IRF2: variants seen among roughly 807,000 people sequenced by gnomAD.
The protein encoded by IRF2 is interferon regulatory factor 2.
In IRF2, 15 loss-of-function variants were observed where a neutral mutation model predicts 40.6. The observed-to-expected ratio is 0.37, with a 90% CI of 0.25 to 0.57. IRF2 has a LOEUF of 0.57. IRF2 is among the 20% of genes least tolerant of loss of function. IRF2 has a pLI of 0.77. For missense variants in IRF2, 317 were observed against 455.7 expected (o/e 0.70, Z 2.77); for synonymous variants, 151 against 165.5 (o/e 0.91, Z 0.67).
At position 184,436,345 on chromosome 4, in the gene IRF2, A is replaced by C. The variant is rs6831233; in HGVS notation, c.-6-7275T>G. Among the ~76,000 whole-genome samples the C allele has an allele frequency of 9.6e-3, 1,458 of 152,292 alleles. 30 individuals are homozygous for C. The highest frequency in any genetic ancestry group is 0.033 in the African/African-American group (1,376 of 41,548). ...AAATTCATTAAACACACATTGTTAC[A>C]AGGAACTGTGCTGAGTGCTGTGGGG... On this transcript the variant is annotated intron_variant, in intron 1 of 8. Coordinates refer to ENST00000393593, the MANE Select transcript of IRF2 (RefSeq NM_002199.4).
chr4:184,420,039 TG>T (rs1017314452), intron 2 of IRF2, among the ~76,000 whole-genome samples: 7 of 152,194 alleles, frequency 4.6e-5, no homozygotes, highest in African/African-American at 1.7e-4. Flanking sequence ...GGCCAAGTTT[TG>T]TATTTTTGGT....
chr4:184,466,684 C>G (rs1739342417), intron 1 of IRF2, among the ~76,000 whole-genome samples: 1 of 152,180 alleles, frequency 6.6e-6, no homozygotes, highest in African/African-American at 2.4e-5. Flanking sequence ...TTCCCCATCC[C>G]CAAACAATGC....
At chr4:184,473,684 G>C (rs1392034977) in intron 1 of IRF2, among the ~76,000 whole-genome samples, 1 of 143,860 alleles carries the variant, frequency 7.0e-6, no homozygotes, top group Admixed American at 6.9e-5. Context: ...CGACGCCCGC[G>C]ACCCGACCCC....
intron 1 of IRF2, among the ~76,000 whole-genome samples, chr4:184,441,135 A>G (rs1403634156): frequency 1.3e-5 from 2 of 152,226 alleles, no homozygotes; most frequent in African/African-American, 4.8e-5. Context: ...ACACTGTCCT[A>G]AAGTCACTGG....
intron 2 of IRF2, among the ~76,000 whole-genome samples, chr4:184,427,151 T>G (rs1737702677): frequency 6.6e-6 from 1 of 152,228 alleles, no homozygotes; most frequent in South Asian, 2.1e-4. Context: ...AGCAACTCCA[T>G]TTCTTGTTTG....
chr4:184,458,633 C>T (rs982772413), intron 1 of IRF2, among the ~76,000 whole-genome samples: 1 of 152,202 alleles, frequency 6.6e-6, no homozygotes, highest in African/African-American at 2.4e-5. Flanking sequence ...TGCTTCACAA[C>T]ACATATATTA....
chr4:184,394,841 C>T (rs1049642125), intron 7 of IRF2, among the ~76,000 whole-genome samples: 28 of 152,158 alleles, frequency 1.8e-4, no homozygotes, highest in African/African-American at 6.0e-4. Context: ...CATGTCTCTC[C>T]GCCAGAGCTT....
intron 8 of IRF2, 97 bp downstream of exon 8, chr4:184,390,606 C>G: frequency 3.5e-6 from 4 of 1,127,846 alleles, no homozygotes; most frequent in Non-Finnish European, 5.3e-6. Context: ...AGCTTGTGAT[C>G]TAAAGGAAAG....
At chr4:184,447,959 C>T (rs1738575085) in intron 1 of IRF2, among the ~76,000 whole-genome samples, 1 of 152,218 alleles carries the variant, frequency 6.6e-6, no homozygotes, top group Admixed American at 6.5e-5. Context: ...CACAGCGGTG[C>T]TAGTTTCCTG....
chr4:184,390,652 T>G (rs769538228), intron 8 of IRF2, 51 bp downstream of exon 8: 2 of 1,584,798 alleles, frequency 1.3e-6, no homozygotes, highest in Non-Finnish European at 1.7e-6. Flanking sequence ...CCGGAGCTGG[T>G]CGGGAGGCTT....
At chr4:184,427,063 G>C (rs1579845318) in intron 2 of IRF2, among the ~76,000 whole-genome samples, 1 of 152,150 alleles carries the variant, frequency 6.6e-6, no homozygotes, top group African/African-American at 2.4e-5. Context: ...TTGCTACCCT[G>C]GCTCTCCAGC....
intron 1 of IRF2, among the ~76,000 whole-genome samples, chr4:184,454,596 C>A (rs1177755342): frequency 6.6e-6 from 1 of 152,162 alleles, no homozygotes; most frequent in East Asian, 1.9e-4. Flanking sequence ...GTGGGAGGGT[C>A]GGATCTGGCA....
intron 1 of IRF2, among the ~76,000 whole-genome samples, chr4:184,436,912 G>A (rs1195031370): frequency 6.6e-6 from 1 of 152,136 alleles, no homozygotes; most frequent in Non-Finnish European, 1.5e-5. Context: ...TTTGAGACAG[G>A]TCTCACTCTG....
chr4:184,405,812 C>T (rs372175296), intron 6 of IRF2, among the ~76,000 whole-genome samples: 174 of 152,118 alleles, frequency 1.1e-3, no homozygotes, highest in African/African-American at 3.9e-3. Context: ...TAATATATAG[C>T]CTCACACAAA....
At chr4:184,435,772 C>A (rs907416437) in intron 1 of IRF2, among the ~76,000 whole-genome samples, 27 of 152,108 alleles carry the variant, frequency 1.8e-4, no homozygotes, top group African/African-American at 5.8e-4. Context: ...CCTGGAAACA[C>A]CCTCACAAGC....
chr4:184,434,645 C>T (rs1738013817), intron 1 of IRF2, among the ~76,000 whole-genome samples: 1 of 152,196 alleles, frequency 6.6e-6, no homozygotes, highest in South Asian at 2.1e-4. Context: ...GGCCATAAGT[C>T]AATTCAGCCC....
intron 1 of IRF2, among the ~76,000 whole-genome samples, chr4:184,454,436 C>A (rs1738836451): frequency 6.6e-6 from 1 of 152,196 alleles, no homozygotes; most frequent in African/African-American, 2.4e-5. Context: ...TGAATTCCAA[C>A]TGGAAAAAGA....
At chr4:184,442,042 G>A (rs935215319) in intron 1 of IRF2, among the ~76,000 whole-genome samples, 1 of 152,160 alleles carries the variant, frequency 6.6e-6, no homozygotes, top group Non-Finnish European at 1.5e-5. Flanking sequence ...CTGTGTGGAA[G>A]GGGACACAGC....
At chr4:184,423,974 T>C (rs1383475700) in intron 2 of IRF2, among the ~76,000 whole-genome samples, 1 of 152,198 alleles carries the variant, frequency 6.6e-6, no homozygotes, top group Non-Finnish European at 1.5e-5. Flanking sequence ...CAATTAACAA[T>C]GGTATATTGT....
Sources: allele counts gnomAD v4.1 joint callset (sites outside exome capture counted in the v4.1 genomes callset), GRCh38; gene constraint gnomAD v4.1.1; transcripts MANE v1.5; gene names NCBI Gene and HGNC (gene_info 2026-07-23, HGNC 2026-07-21).